Variants in ANKDD1B observed in about 807,000 individuals in gnomAD.
ANKDD1B encodes the protein ankyrin repeat and death domain containing 1B.
A neutral mutation model predicts 59.7 loss-of-function variants in ANKDD1B; 57 were observed. The ratio of observed to expected loss-of-function variants is 0.95; its 90% CI spans 0.77 to 1.19. The LOEUF is 1.19. Ranked by LOEUF, ANKDD1B falls within the 50% of genes most tolerant of loss-of-function variation. The pLI is 0.00. For synonymous variants in ANKDD1B, 216 were observed against 239.5 expected (o/e 0.90, Z 0.91); for missense variants, 602 against 641.9 (o/e 0.94, Z 0.67).
intron 12 of ANKDD1B, 96 bp downstream of exon 12, chr5:75,667,089 C>T (rs899868450): frequency 1.3e-6 from 1 of 778,106 alleles, no homozygotes. Flanking sequence ...GTGTGGCACT[C>T]ACAATAAGCT....
chr5:75,666,421 C>A (rs1458970481), intron 11 of ANKDD1B, among the ~76,000 whole-genome samples: 1 of 152,056 alleles, frequency 6.6e-6, no homozygotes, highest in African/African-American at 2.4e-5. Flanking sequence ...ACATCAAATA[C>A]CCAAAAGAAG....
chr5:75,617,919 G>A (rs745715062), intron 2 of ANKDD1B, among the ~76,000 whole-genome samples: 3 of 152,130 alleles, frequency 2.0e-5, no homozygotes, highest in Non-Finnish European at 4.4e-5. Context: ...AGAATGTTGT[G>A]CATGTGGCGG....
Position 75,625,893 on chromosome 5 carries a change from G to A in ANKDD1B, c.538G>A (p.Val180Met), listed in dbSNP as rs1390028872. Residue 180 changes from valine to methionine, a missense_variant, in exon 5 of 14, where the codon GTG (valine) becomes ATG (methionine). Transcript: ENST00000601380. ...CCACTTTGCCACTCAGAGCAATCAT[G>A]TGCGCATCGTGGAGTATCTTATTCA... ...ALHFATQSNH[V>M]RIVEYLIQDL... The A allele has an allele frequency of 1.3e-6, 2 of 1,536,240 alleles. No individual in the cohort carries two copies. The highest frequency in any genetic ancestry group is 1.7e-6 in the Non-Finnish European group (2 of 1,146,900).
At chr5:75,621,572 T>A (rs1396042998) in intron 3 of ANKDD1B, among the ~76,000 whole-genome samples, 1 of 152,226 alleles carries the variant, frequency 6.6e-6, no homozygotes. Flanking sequence ...CAGAGTGGAC[T>A]GTGCTTACTT....
intron 7 of ANKDD1B, among the ~76,000 whole-genome samples, chr5:75,645,029 A>G (rs1364708592): frequency 1.5e-5 from 2 of 134,674 alleles, no homozygotes; most frequent in South Asian, 4.2e-4. Context: ...AGGCAGAAAT[A>G]AAGATGTTCT....
rs866759774 is a variant in ANKDD1B, at chr5:75,611,630, A to G, written c.-5A>G. The G allele has an allele frequency of 1.4e-5, 17 of 1,230,626 alleles. No individual in the cohort carries two copies. The highest frequency in any genetic ancestry group is 1.6e-5 in the Non-Finnish European group (16 of 987,756). The allele number at this position is 1,230,626 out of a possible 1,614,324, so 76.2% of individuals were successfully genotyped here. On this transcript the variant is annotated 5_prime_UTR_variant, in exon 1 of 14. Transcript: ENST00000601380. ...GCCCTGCGCTCAGGGCCCGCGGAGGAGACTATGGACCCCGCCGGGCGCGCC... is the reference window on the plus strand; with the variant it reads ...GCCCTGCGCTCAGGGCCCGCGGAGGGGACTATGGACCCCGCCGGGCGCGCC...
At chr5:75,625,179 A>G (rs1773957154) in intron 3 of ANKDD1B, among the ~76,000 whole-genome samples, 1 of 151,712 alleles carries the variant, frequency 6.6e-6, no homozygotes, top group South Asian at 2.1e-4. Context: ...AATCATTTCC[A>G]TTTCCTTTCT....
At chr5:75,633,275 T>C (rs928183320) in intron 5 of ANKDD1B, among the ~76,000 whole-genome samples, 1 of 151,882 alleles carries the variant, frequency 6.6e-6, no homozygotes, top group Admixed American at 6.5e-5. Flanking sequence ...ATTGGTGACA[T>C]ATGTGGCCCA....
At chr5:75,631,737 T>G (rs1238338182) in intron 5 of ANKDD1B, among the ~76,000 whole-genome samples, 1 of 152,186 alleles carries the variant, frequency 6.6e-6, no homozygotes, top group African/African-American at 2.4e-5. Flanking sequence ...TGTGCCCACA[T>G]CTTCTGAGAA....
chr5:75,622,360 G>A (rs1773870676), intron 3 of ANKDD1B, among the ~76,000 whole-genome samples: 1 of 152,220 alleles, frequency 6.6e-6, no homozygotes, highest in East Asian at 1.9e-4. Context: ...CTAGGTGATT[G>A]TTTTTGGGAA....
chr5:75,648,626 T>G (rs1420594623), intron 7 of ANKDD1B, among the ~76,000 whole-genome samples: 1 of 152,162 alleles, frequency 6.6e-6, no homozygotes, highest in Non-Finnish European at 1.5e-5. Context: ...GTGAATCCAT[T>G]TTTTAGCTTT....
chr5:75,630,975 T>G (rs1202244749), intron 5 of ANKDD1B, among the ~76,000 whole-genome samples: 1 of 152,240 alleles, frequency 6.6e-6, no homozygotes, highest in Non-Finnish European at 1.5e-5. Context: ...GGAACAACTC[T>G]GGCCCTACCT....
chr5:75,661,106 T>C (rs1775125627), intron 10 of ANKDD1B, among the ~76,000 whole-genome samples: 1 of 150,520 alleles, frequency 6.6e-6, no homozygotes, highest in Non-Finnish European at 1.5e-5. Flanking sequence ...ATAAAAAAAG[T>C]AACACAGACT....
intron 1 of ANKDD1B, among the ~76,000 whole-genome samples, chr5:75,616,344 A>G (rs940830087): frequency 3.3e-5 from 5 of 152,232 alleles, no homozygotes; most frequent in Admixed American, 3.3e-4. Flanking sequence ...GTCTGTATGT[A>G]TGATGGGCTG....
chr5:75,648,019 G>A (rs985839123), intron 7 of ANKDD1B, among the ~76,000 whole-genome samples: 6 of 117,846 alleles, frequency 5.1e-5, no homozygotes, highest in Admixed American at 8.5e-5. Context: ...ACCAAACACC[G>A]CATATTCTCA....
rs1258372410 is a variant in ANKDD1B at position 75,635,007 on chromosome 5, C to T, written c.699+11C>T. On this transcript the variant is annotated intron_variant, in intron 6 of 13. Coordinates refer to ENST00000601380, the MANE Select transcript of ANKDD1B (RefSeq NM_001276713.2). ...TCAGAAAAGGACAAGGTGAGTTGGA[C>T]TTTTATTTCTTTGCTGAGAACAAGA... 6.1e-6 allele frequency: 9 copies of T among 1,483,308 alleles called. No homozygotes were observed. The highest frequency in any genetic ancestry group is 1.4e-5 in the African/African-American group (1 of 72,006). The allele number at this position is 1,483,308 out of a possible 1,614,324, so 91.9% of individuals were successfully genotyped here. A position where few individuals can be genotyped will look rare whatever the true frequency, so the allele number is the denominator to read the frequency against.
chr5:75,627,284 A>T (rs765892401), intron 5 of ANKDD1B, among the ~76,000 whole-genome samples: 18 of 152,178 alleles, frequency 1.2e-4, no homozygotes, highest in Non-Finnish European at 2.2e-4. Context: ...CTTGTCCCAC[A>T]TATAATTTTT....
chr5:75,655,959 T>G, intron 8 of ANKDD1B, 70 bp from the exon 9 acceptor site: 11 of 704,174 alleles, frequency 1.6e-5, no homozygotes, highest in Non-Finnish European at 2.7e-5. Context: ...GCTGCTGAAA[T>G]GAGTTGCTTT....
At chr5:75,657,997 A>T (rs1430720174) in intron 9 of ANKDD1B, among the ~76,000 whole-genome samples, 1 of 151,806 alleles carries the variant, frequency 6.6e-6, no homozygotes, top group East Asian at 1.9e-4. Flanking sequence ...GGATTGCCTG[A>T]GGCCAGGAGT....
Sources: allele counts gnomAD v4.1 joint callset (sites outside exome capture counted in the v4.1 genomes callset), GRCh38; gene constraint gnomAD v4.1.1; transcripts MANE v1.5; gene names NCBI Gene and HGNC (gene_info 2026-07-23, HGNC 2026-07-21).